The following ADCY2 variants were observed in gnomAD, a reference collection of about 807,000 sequenced individuals.
The protein encoded by ADCY2 is adenylate cyclase type 2.
In ADCY2, 31 loss-of-function variants were observed where a neutral mutation model predicts 125.2. The ratio of observed to expected loss-of-function variants is 0.25; its 90% CI spans 0.19 to 0.33. ADCY2 has a LOEUF of 0.33. ADCY2 is among the 10% of genes least tolerant of loss of function. ADCY2 has a pLI of 1.00. For missense variants in ADCY2, 904 were observed against 1,418.2 expected, an observed-to-expected ratio of 0.64 and a Z score of 5.82; for synonymous variants, 512 against 548.4, an observed-to-expected ratio of 0.93 and a Z score of 0.93.
At chr5:7,514,541 G>A (rs1744187156) in intron 2 of ADCY2, among the ~76,000 whole-genome samples, 2 of 152,164 alleles carry the variant, frequency 1.3e-5, no homozygotes, top group Admixed American at 1.3e-4. Flanking sequence ...GATGTTATGG[G>A]TTGAATTGTG....
chr5:7,405,303 C>CTTT (rs748815042), intron 1 of ADCY2, among the ~76,000 whole-genome samples: 7 of 136,602 alleles, frequency 5.1e-5, no homozygotes, highest in Non-Finnish European at 9.6e-5. Context: ...TTGAACTACT[C>CTTT]TTTTTTTTTT....
chr5:7,741,777 A>G (rs1184191359), intron 14 of ADCY2, among the ~76,000 whole-genome samples: 1 of 2,688 alleles, frequency 3.7e-4, no homozygotes. Context: ...TCACCATACC[A>G]TCATCATCCC....
chr5:7,426,810 T>G (rs1408855523), intron 2 of ADCY2, among the ~76,000 whole-genome samples: 1 of 152,174 alleles, frequency 6.6e-6, no homozygotes, highest in Non-Finnish European at 1.5e-5. Flanking sequence ...TTTGAGGTCA[T>G]GGCTCCTTTT....
At chr5:7,401,248 G>A (rs1739253052) in intron 1 of ADCY2, among the ~76,000 whole-genome samples, 1 of 152,214 alleles carries the variant, frequency 6.6e-6, no homozygotes, top group Non-Finnish European at 1.5e-5. Flanking sequence ...CTGTTACTGT[G>A]AGGGAATACT....
At chr5:7,575,284 G>A (rs7714227) in intron 3 of ADCY2, among the ~76,000 whole-genome samples, 8,864 of 152,064 alleles carry the variant, frequency 0.058, 313 homozygotes, top group Middle Eastern at 0.11. Context: ...CATTATTGGT[G>A]ATTTTTTTTT....
chr5:7,822,452 C>T (rs1236350916), intron 24 of ADCY2, among the ~76,000 whole-genome samples: 1 of 152,204 alleles, frequency 6.6e-6, no homozygotes, highest in Non-Finnish European at 1.5e-5. Context: ...TATCTGTCCC[C>T]CTCAGAGGCA....
chr5:7,467,278 G>T (rs964873942), intron 2 of ADCY2, among the ~76,000 whole-genome samples: 6 of 152,212 alleles, frequency 3.9e-5, no homozygotes, highest in African/African-American at 1.2e-4. Flanking sequence ...ACTCTTGGAT[G>T]CTGATAGCCC....
intron 2 of ADCY2, among the ~76,000 whole-genome samples, chr5:7,454,786 T>G (rs1363599213): frequency 6.6e-6 from 1 of 152,206 alleles, no homozygotes; most frequent in Non-Finnish European, 1.5e-5. Context: ...TATCTTCAAT[T>G]TAGTAGCTTG....
chr5:7,557,198 T>TAGATATATATATATATATATAG (rs1430642315), intron 3 of ADCY2, among the ~76,000 whole-genome samples: 2 of 147,522 alleles, frequency 1.4e-5, no homozygotes, highest in Non-Finnish European at 3.0e-5. Context: ...ATGTGATATA[T>TAGATATATATATATATATATAG]ATAACTCAAG....
intron 4 of ADCY2, among the ~76,000 whole-genome samples, chr5:7,633,545 A>G (rs1314724568): frequency 1.3e-5 from 2 of 152,234 alleles, no homozygotes; most frequent in Admixed American, 6.5e-5. Flanking sequence ...GGTTAAATAT[A>G]TGCAGGTGTC....
intron 4 of ADCY2, among the ~76,000 whole-genome samples, chr5:7,662,551 A>G (rs1177762325): frequency 6.6e-6 from 1 of 152,200 alleles, no homozygotes; most frequent in Non-Finnish European, 1.5e-5. Context: ...CACTGCCTTC[A>G]GTTCTATTTT....
intron 4 of ADCY2, among the ~76,000 whole-genome samples, chr5:7,670,846 A>G (rs961638828): frequency 5.9e-5 from 9 of 151,876 alleles, no homozygotes; most frequent in Non-Finnish European, 1.0e-4. Context: ...CTAACCCACC[A>G]CTCACCTCCT....
chr5:7,778,566 A>C (rs1743815373), intron 18 of ADCY2, among the ~76,000 whole-genome samples: 2 of 152,200 alleles, frequency 1.3e-5, no homozygotes, highest in South Asian at 4.1e-4. Context: ...AAATGTCTGC[A>C]AAAGTTTACC....
In ADCY2 at chr5:7,673,269, A is replaced by AAATAT. The variant is rs1554030659; in HGVS notation, c.721-17421_721-17420insATATA. The stretch of plus-strand genomic sequence containing the variant: ...AAAAAAAAAAAAAAAAAAAAAAAAA[A>AAATAT]ATATATATATATATATAAAATTAGC... On this transcript the variant is annotated intron_variant, in intron 4 of 24. Coordinates refer to ENST00000338316, the MANE Select transcript of ADCY2 (RefSeq NM_020546.3). Among the ~76,000 whole-genome samples, 5 of 3,936 alleles carry AAATAT rather than the reference A, an allele frequency of 1.3e-3. 1 individual carries two copies. 2.6% of individuals were successfully genotyped at this position (3,936 alleles called of 152,430 possible). A position where few individuals can be genotyped will look rare whatever the true frequency, so the allele number is the denominator to read the frequency against.
At chr5:7,540,046 G>T (rs1297836806) in intron 3 of ADCY2, among the ~76,000 whole-genome samples, 1 of 152,170 alleles carries the variant, frequency 6.6e-6, no homozygotes, top group Non-Finnish European at 1.5e-5. Context: ...GGATGGAGCT[G>T]GAGGCCATTA....
intron 22 of ADCY2, among the ~76,000 whole-genome samples, chr5:7,808,194 T>A (rs1270106445): frequency 6.6e-6 from 1 of 152,198 alleles, no homozygotes; most frequent in Non-Finnish European, 1.5e-5. Flanking sequence ...TCTTATTTCC[T>A]TTCTTCACTG....
intron 3 of ADCY2, among the ~76,000 whole-genome samples, chr5:7,571,805 A>G (rs966913729): frequency 6.6e-5 from 10 of 152,168 alleles, no homozygotes; most frequent in Admixed American, 4.6e-4. Flanking sequence ...CCACCCTCCA[A>G]TAGGCGCCAG....
intron 22 of ADCY2, among the ~76,000 whole-genome samples, chr5:7,806,632 A>C (rs2126526659): frequency 6.6e-6 from 1 of 152,272 alleles, no homozygotes; most frequent in South Asian, 2.1e-4. Context: ...AGACAGAGAG[A>C]GAGCTGGTTT....
chr5:7,541,044 G>T (rs1273293544), intron 3 of ADCY2, among the ~76,000 whole-genome samples: 2 of 152,130 alleles, frequency 1.3e-5, no homozygotes, highest in Non-Finnish European at 2.9e-5. Context: ...TGACCAGTGT[G>T]CATGATCTCG....
Sources: gnomAD v4.1 joint callset for allele counts (sites outside exome capture counted in the v4.1 genomes callset) on GRCh38, gnomAD v4.1.1 for gene constraint, MANE v1.5 for transcripts, NCBI Gene and HGNC (gene_info 2026-07-23, HGNC 2026-07-21) for gene names.